Variants in MYO6 observed in about 807,000 individuals in gnomAD.
MYO6 encodes myosin VI, also known as unconventional myosin-VI.
MYO6 carries 74 observed loss-of-function variants against 178.7 expected under a neutral mutation model. The observed-to-expected ratio is 0.41, with a 90% CI of 0.34 to 0.50. The LOEUF (loss-of-function observed/expected upper bound fraction) is 0.50, where lower values mean the gene tolerates loss of function less well. Among genes scored for constraint, MYO6 ranks in the 20% least tolerant of loss-of-function variants. The pLI, the probability that MYO6 is intolerant of heterozygous loss-of-function variation, is 0.09. For synonymous variants in MYO6, 477 were observed against 504.6 expected, an observed-to-expected ratio of 0.95 and a Z score of 0.73; for missense variants, 1,330 against 1,547.4, an observed-to-expected ratio of 0.86 and a Z score of 2.36.
intron 1 of MYO6, among the ~76,000 whole-genome samples, chr6:75,812,559 C>G (rs1770798335): frequency 6.6e-6 from 1 of 152,132 alleles, no homozygotes; most frequent in African/African-American, 2.4e-5. Context: ...TTAATTCTAA[C>G]TATATTTTTG....
intron 12 of MYO6, 95 bp downstream of exon 12, chr6:75,855,378 A>C: frequency 7.9e-7 from 1 of 1,266,778 alleles, no homozygotes; most frequent in South Asian, 1.3e-5. Flanking sequence ...TGAGCTTGGT[A>C]GATCAAAATT....
chr6:75,789,835 T>G (rs1768047572), intron 1 of MYO6, among the ~76,000 whole-genome samples: 1 of 152,168 alleles, frequency 6.6e-6, no homozygotes, highest in African/African-American at 2.4e-5. Flanking sequence ...ACACCAGAAT[T>G]TATTCTTCCT....
chr6:75,841,697 GA>G (rs951871796), intron 9 of MYO6, among the ~76,000 whole-genome samples: 1 of 151,408 alleles, frequency 6.6e-6, no homozygotes, highest in African/African-American at 2.4e-5. Flanking sequence ...CTATCTCAAA[GA>G]AAAAAAAATT....
intron 1 of MYO6, among the ~76,000 whole-genome samples, chr6:75,769,545 C>T (rs1348249532): frequency 2.0e-5 from 3 of 152,234 alleles, no homozygotes; most frequent in Admixed American, 6.5e-5. Context: ...CCAGGGCACA[C>T]TGGTGCAAGT....
At chr6:75,757,720 A>G (rs1562115506) in intron 1 of MYO6, among the ~76,000 whole-genome samples, 3 of 151,934 alleles carry the variant, frequency 2.0e-5, no homozygotes, top group Admixed American at 6.6e-5. Context: ...TGGTCAAATT[A>G]TTTCATTTCT....
chr6:75,759,736 A>C (rs1166112715), intron 1 of MYO6, among the ~76,000 whole-genome samples: 2 of 152,248 alleles, frequency 1.3e-5, no homozygotes, highest in Non-Finnish European at 2.9e-5. Flanking sequence ...GCATTGTGAT[A>C]CATCTGCAAA....
intron 17 of MYO6, 141 bp from the exon 18 acceptor site, chr6:75,866,791 C>G: frequency 9.4e-7 from 1 of 1,065,840 alleles, no homozygotes; most frequent in South Asian, 1.3e-5. Context: ...GCCCAGTGTC[C>G]ACACTGACTA....
chr6:75,809,734 T>C (rs1465839057), intron 1 of MYO6, among the ~76,000 whole-genome samples: 1 of 151,746 alleles, frequency 6.6e-6, no homozygotes, highest in Non-Finnish European at 1.5e-5. Context: ...GTCTAAAGAC[T>C]GGAAGTCAGT....
chr6:75,871,687 A>G (rs1269109337), intron 19 of MYO6, among the ~76,000 whole-genome samples: 1 of 152,172 alleles, frequency 6.6e-6, no homozygotes, highest in African/African-American at 2.4e-5. Flanking sequence ...TTTGGCTGCA[A>G]ATATCTATCT....
In MYO6 at chr6:75,917,288, A is replaced by G. The variant is rs1464248220; in HGVS notation, c.*2276A>G. The G allele has an allele frequency of 6.5e-6, 1 of 152,694 alleles. No individual in the cohort carries two copies. The highest frequency in any genetic ancestry group is 1.5e-5 in the Non-Finnish European group (1 of 68,048). The allele number at this position is 152,694 out of a possible 1,614,324, so 9.5% of individuals were successfully genotyped here. A position where few individuals can be genotyped will look rare whatever the true frequency, so the allele number is the denominator to read the frequency against. Reference sequence around the variant, plus strand: ...TAAAATTAGAAGTTTAAACCACTATATATAAAGAACTAATCTTTTCTTAAT... The same window carrying G: ...TAAAATTAGAAGTTTAAACCACTATGTATAAAGAACTAATCTTTTCTTAAT... On this transcript the variant is annotated 3_prime_UTR_variant, in exon 35 of 35. Coordinates refer to ENST00000369977, the MANE Select transcript of MYO6 (RefSeq NM_004999.4).
In MYO6 at chr6:75,902,931, G is replaced by C. The variant is rs1363696386; in HGVS notation, c.3176+4520G>C. Among the ~76,000 whole-genome samples the C allele has an allele frequency of 2.0e-5, 3 of 151,644 alleles. No individual in the cohort carries two copies. In the East Asian group the frequency reaches 5.8e-4, roughly 29 times the overall value. On this transcript the variant is annotated intron_variant, in intron 30 of 34. Transcript: ENST00000369977. ...AGAGATTCTGGTATGTTGTGTCTTTGTTCTCGTTGGTTTCAAAGAACATCT... is the reference window on the plus strand; with the variant it reads ...AGAGATTCTGGTATGTTGTGTCTTTCTTCTCGTTGGTTTCAAAGAACATCT...
chr6:75,913,084 C>CA (rs1179518866), intron 33 of MYO6, among the ~76,000 whole-genome samples: 3 of 152,092 alleles, frequency 2.0e-5, no homozygotes, highest in Non-Finnish European at 4.4e-5. Context: ...TTCTTTGACA[C>CA]ACTTGGATTT....
chr6:75,760,832 G>A (rs1250285563), intron 1 of MYO6, among the ~76,000 whole-genome samples: 3 of 151,832 alleles, frequency 2.0e-5, no homozygotes, highest in Non-Finnish European at 4.4e-5. Context: ...TGACACTGAT[G>A]GAATCAGTAT....
chr6:75,845,413 C>T (rs1338741737), intron 10 of MYO6, among the ~76,000 whole-genome samples: 1 of 152,172 alleles, frequency 6.6e-6, no homozygotes, highest in African/African-American at 2.4e-5. Flanking sequence ...TGCTTATAGG[C>T]TAGGCGTGGT....
At position 75,776,653 on chromosome 6, in the gene MYO6, A is replaced by AGTGTGTGT. The variant is rs35830759; in HGVS notation, c.-48+27253_-48+27260dup. Among the ~76,000 whole-genome samples, 1,389 of 144,726 alleles carry AGTGTGTGT rather than the reference A, an allele frequency of 9.6e-3. 22 individuals are homozygous for AGTGTGTGT. Among genetic ancestry groups the AGTGTGTGT allele is most frequent in the African/African-American group, 0.032 (1,245 of 39,486 alleles). The allele number at this position is 144,726 out of a possible 152,430, so 94.9% of individuals were successfully genotyped here. A position where few individuals can be genotyped will look rare whatever the true frequency, so the allele number is the denominator to read the frequency against. On this transcript the variant is annotated intron_variant, in intron 1 of 34. Transcript: ENST00000369977. ...CATTTTTAGTCTTGTAGAAACGTGC[A>AGTGTGTGT]GTGTGTGTGTGTGTGTGTGTGTGTG... is the stretch of plus-strand genomic sequence containing the variant.
intron 7 of MYO6, among the ~76,000 whole-genome samples, chr6:75,838,782 C>T: frequency 6.6e-6 from 1 of 151,784 alleles, no homozygotes. Flanking sequence ...CTGCCTCAGG[C>T]TCCTGAGTAG....
At chr6:75,894,182 T>C (rs751270629) in intron 28 of MYO6, among the ~76,000 whole-genome samples, 2 of 152,234 alleles carry the variant, frequency 1.3e-5, no homozygotes, top group Non-Finnish European at 2.9e-5. Context: ...CCATTCCATA[T>C]ACTGTATACA....
chr6:75,848,742 T>G (rs576178126), intron 11 of MYO6, among the ~76,000 whole-genome samples: 2 of 152,252 alleles, frequency 1.3e-5, no homozygotes, highest in South Asian at 4.2e-4. Flanking sequence ...TGATATTGCT[T>G]AGGAATAAAC....
intron 1 of MYO6, among the ~76,000 whole-genome samples, chr6:75,761,898 C>A (rs556850371): frequency 5.3e-5 from 8 of 151,276 alleles, no homozygotes; most frequent in Non-Finnish European, 7.4e-5. Context: ...AATGAGTGAT[C>A]TAAAATCATC....
Sources: gnomAD v4.1 joint callset for allele counts (sites outside exome capture counted in the v4.1 genomes callset) on GRCh38, gnomAD v4.1.1 for gene constraint, MANE v1.5 for transcripts, NCBI Gene and HGNC (gene_info 2026-07-23, HGNC 2026-07-21) for gene names.